Variants in ITPRID1 observed in about 807,000 individuals in gnomAD.
ITPRID1 encodes protein ITPRID1.
Under a neutral mutation model 95.4 loss-of-function variants are expected in ITPRID1, and 96 were observed. The ratio of observed to expected loss-of-function variants is 1.01; its 90% CI spans 0.85 to 1.19. The LOEUF is 1.19. Among genes scored for constraint, ITPRID1 ranks in the 50% most tolerant of loss-of-function variants. The probability of loss-of-function intolerance (pLI) is 0.00; values close to 1 mark genes in which losing one functional copy is unlikely to be tolerated. For synonymous variants in ITPRID1, 510 were observed against 453.6 expected (o/e 1.12, Z -1.58); for missense variants, 1,339 against 1,252.9 (o/e 1.07, Z -1.04).
At chr7:31,547,206 C>T in intron 1 of ITPRID1, among the ~76,000 whole-genome samples, 1 of 152,284 alleles carries the variant, frequency 6.6e-6, no homozygotes, top group Middle Eastern at 3.4e-3. Flanking sequence ...ACTGCGAGTT[C>T]TGGCTGATAT....
At chr7:31,610,523 GT>G (rs1206220994) in intron 10 of ITPRID1, among the ~76,000 whole-genome samples, 3 of 151,374 alleles carry the variant, frequency 2.0e-5, no homozygotes, top group African/African-American at 7.3e-5. Context: ...TCTTCTAATT[GT>G]TTCATCCATT....
chr7:31,567,275 T>C (rs1195660725), intron 5 of ITPRID1, among the ~76,000 whole-genome samples: 2 of 152,244 alleles, frequency 1.3e-5, no homozygotes, highest in East Asian at 3.8e-4. Context: ...TGTTTTATTA[T>C]GAGCATTTAT....
intron 10 of ITPRID1, among the ~76,000 whole-genome samples, chr7:31,588,937 A>G (rs1785743403): frequency 2.0e-5 from 3 of 152,082 alleles, no homozygotes; most frequent in Non-Finnish European, 2.9e-5. Flanking sequence ...TTCAGGAACA[A>G]TAAAAATATA....
chr7:31,561,810 A>C (rs912084960), intron 5 of ITPRID1, among the ~76,000 whole-genome samples: 1 of 152,166 alleles, frequency 6.6e-6, no homozygotes, highest in Non-Finnish European at 1.5e-5. Flanking sequence ...CTCTGTGGGC[A>C]GATTAACTCT....
chr7:31,578,884 A>G (rs952927252), intron 9 of ITPRID1, among the ~76,000 whole-genome samples: 2 of 152,120 alleles, frequency 1.3e-5, no homozygotes, highest in African/African-American at 4.8e-5. Context: ...GTGTGTGTCA[A>G]TGCTGTCTCC....
intron 1 of ITPRID1, among the ~76,000 whole-genome samples, chr7:31,527,364 A>C (rs1783453451): frequency 6.6e-6 from 1 of 152,040 alleles, no homozygotes; most frequent in South Asian, 2.1e-4. Context: ...TATGTCAAAA[A>C]CTCACTTTGT....
chr7:31,574,747 G>C lies in ITPRID1; in HGVS notation c.598+5G>C, dbSNP rs772211715. 1 of 1,613,556 alleles carries C rather than the reference G, an allele frequency of 6.2e-7. No individual in the cohort carries two copies. The highest frequency in any genetic ancestry group is 2.2e-5 in the East Asian group (1 of 44,808). ...TTGAGAACCCCAACTTGTACGGTAA[G>C]CGAGGTGCCTGTGGCATTCGCATCT... is the stretch of plus-strand genomic sequence containing the variant. On this transcript the variant is annotated splice_donor_5th_base_variant and intron_variant, in intron 8 of 14. Coordinates refer to ENST00000615280, the MANE Select transcript of ITPRID1 (RefSeq NM_001257967.3).
chr7:31,583,328 T>C (rs1169590343), intron 10 of ITPRID1, 137 bp downstream of exon 10: 4 of 594,056 alleles, frequency 6.7e-6, no homozygotes, highest in Non-Finnish European at 1.1e-5. Context: ...TCTGAGATAT[T>C]AAAAGCCTAC....
At chr7:31,605,061 C>T (rs1786555922) in intron 10 of ITPRID1, among the ~76,000 whole-genome samples, 1 of 151,964 alleles carries the variant, frequency 6.6e-6, no homozygotes, top group Non-Finnish European at 1.5e-5. Flanking sequence ...TCCCATGAAC[C>T]TGGGAGGTGG....
Position 31,652,510 on chromosome 7 carries a change from C to A in ITPRID1, c.2824-8C>A, listed in dbSNP as rs1203716883. 10 of 1,581,116 alleles carry A rather than the reference C, an allele frequency of 6.3e-6. No individual in the cohort carries two copies. The highest frequency in any genetic ancestry group is 1.8e-5 in the Admixed American group (1 of 55,330). On this transcript the variant is annotated splice_polypyrimidine_tract_variant and splice_region_variant and intron_variant, in intron 14 of 14. Coordinates refer to ENST00000615280, the MANE Select transcript of ITPRID1 (RefSeq NM_001257967.3). Reference sequence around the variant, plus strand: ...TGTTTACTCTTTTTCCTCTTGTTTTCCTTTTAGCAGCTGGAGGTTCTCACA... The same window carrying A: ...TGTTTACTCTTTTTCCTCTTGTTTTACTTTTAGCAGCTGGAGGTTCTCACA...
chr7:31,580,403 T>C (rs770151057), intron 9 of ITPRID1, among the ~76,000 whole-genome samples: 5 of 152,008 alleles, frequency 3.3e-5, no homozygotes, highest in Non-Finnish European at 5.9e-5. Context: ...TCAGACTCTA[T>C]TGTCCCTGAA....
chr7:31,534,690 T>C (rs947889849), intron 1 of ITPRID1, among the ~76,000 whole-genome samples: 3 of 152,050 alleles, frequency 2.0e-5, no homozygotes, highest in African/African-American at 7.2e-5. Context: ...ATAATTTGAT[T>C]TTTTTTCTAT....
At position 31,585,971 on chromosome 7, in the gene ITPRID1, C is replaced by T. The variant is rs1472467009; in HGVS notation, c.1228+2780C>T. ...GTCATCTAGCATTAGGTATATCTCC[C>T]GATGCTATCCCTCCCCCCTCCCCCC... On this transcript the variant is annotated intron_variant, in intron 10 of 14. Coordinates refer to ENST00000615280, the MANE Select transcript of ITPRID1 (RefSeq NM_001257967.3). Among the ~76,000 whole-genome samples, 16 of 145,018 alleles carry T rather than the reference C, an allele frequency of 1.1e-4. No individual in the cohort carries two copies. The South Asian group carries it at 1.4e-3, about 13-fold the overall frequency.
intron 1 of ITPRID1, among the ~76,000 whole-genome samples, chr7:31,546,294 G>C (rs866852279): frequency 4.6e-5 from 7 of 152,154 alleles, no homozygotes; most frequent in Middle Eastern, 6.8e-3. Flanking sequence ...GCACATAAGA[G>C]AAGGTAAAAG....
chr7:31,627,917 T>C (rs1788622844), intron 10 of ITPRID1, among the ~76,000 whole-genome samples: 1 of 152,172 alleles, frequency 6.6e-6, no homozygotes, highest in African/African-American at 2.4e-5. Context: ...AGAAAGAGCA[T>C]ATCCAAAAGG....
At position 31,607,740 on chromosome 7, in the gene ITPRID1, C is replaced by CAAA. The variant is rs55729944; in HGVS notation, c.1228+24554_1228+24556dup. On this transcript the variant is annotated intron_variant, in intron 10 of 14. Transcript: ENST00000615280. ...AATTTTAAGCACAAATTTTCTTTTT[C>CAAA]AAAAAAATCTACAATGTGAATACTG... is the stretch of plus-strand genomic sequence containing the variant. Among the ~76,000 whole-genome samples the CAAA allele has an allele frequency of 3.0e-4, 45 of 151,150 alleles. 1 individual carries two copies. The highest frequency in any genetic ancestry group is 8.4e-4 in the South Asian group (4 of 4,770).
At position 31,652,770 on chromosome 7, in the gene ITPRID1, G is replaced by T; in HGVS notation, c.3076G>T (p.Gly1026Cys). The T allele has an allele frequency of 6.2e-7, 1 of 1,613,890 alleles. No individual in the cohort carries two copies. Among genetic ancestry groups the T allele is most frequent in the South Asian group, 1.1e-5 (1 of 91,080 alleles). The change falls in exon 15 of 15, where the codon GGT becomes TGT. Residue 1026 changes from glycine (G) to cysteine (C), a missense_variant. Coordinates refer to ENST00000615280, the MANE Select transcript of ITPRID1 (RefSeq NM_001257967.3). ...SPSSSAWAKL[G>C]PTPLSNCPVG... ...TTCATCATCAGCTTGGGCAAAGTTA[G>T]GTCCAACCCCTTTGTCAAATTGTCC...
intron 5 of ITPRID1, among the ~76,000 whole-genome samples, chr7:31,565,416 T>C (rs1405207522): frequency 6.6e-6 from 1 of 152,168 alleles, no homozygotes; most frequent in African/African-American, 2.4e-5. Context: ...GACAGACACT[T>C]GTATCATTTG....
chr7:31,627,952 A>G (rs1415121828), intron 10 of ITPRID1, among the ~76,000 whole-genome samples: 1 of 152,198 alleles, frequency 6.6e-6, no homozygotes, highest in Non-Finnish European at 1.5e-5. Context: ...AGTTTTAGAA[A>G]GGGGCTATTT....
Sources: gnomAD v4.1 joint callset for allele counts (sites outside exome capture counted in the v4.1 genomes callset) on GRCh38, gnomAD v4.1.1 for gene constraint, MANE v1.5 for transcripts, NCBI Gene and HGNC (gene_info 2026-07-23, HGNC 2026-07-21) for gene names.